Variants in APBA3 observed in about 807,000 individuals in gnomAD.
APBA3 encodes amyloid-beta A4 precursor protein-binding family A member 3.
A neutral mutation model predicts 55.9 loss-of-function variants in APBA3; 45 were observed. The ratio of observed to expected loss-of-function variants is 0.80; its 90% CI spans 0.63 to 1.03. The LOEUF is 1.03. APBA3 is among the 50% of genes least tolerant of loss of function. APBA3 has a pLI of 0.00. For missense variants in APBA3, 865 were observed against 820.3 expected (o/e 1.05, Z -0.67); for synonymous variants, 370 against 353.3 (o/e 1.05, Z -0.53).
In APBA3 at chr19:3,753,879, G is replaced by A. The variant is rs1239167078; in HGVS notation, c.897C>T (p.Asp299=). 12 of 1,561,694 alleles carry A rather than the reference G, an allele frequency of 7.7e-6. No individual in the cohort carries two copies. The highest frequency in any genetic ancestry group is 8.7e-6 in the Non-Finnish European group (10 of 1,153,186). The change falls in exon 6 of 11, where the codon GAC becomes GAT. Residue 299 remains aspartate, a synonymous_variant. Transcript: ENST00000316757. ...HALHTISYTA[D]IGCVLVLMAR... ...CCATCAGCACCAGCACGCAGCCGATGTCGGCTGTGTAGGAGATGGTATGCA... is the reference window on the plus strand; with the variant it reads ...CCATCAGCACCAGCACGCAGCCGATATCGGCTGTGTAGGAGATGGTATGCA...
chr19:3,757,133 G>A (rs1487379369), intron 3 of APBA3, among the ~76,000 whole-genome samples: 2 of 145,206 alleles, frequency 1.4e-5, no homozygotes, highest in East Asian at 4.1e-4. Flanking sequence ...TCTTTTTTTT[G>A]AGACATGGTC....
Position 3,751,338 on chromosome 19 carries a change from GAA to G in APBA3, c.1516-11_1516-10del. On this transcript the variant is annotated splice_polypyrimidine_tract_variant and intron_variant, in intron 9 of 10. Coordinates refer to ENST00000316757, the MANE Select transcript of APBA3 (RefSeq NM_004886.4). Reference sequence around the variant, plus strand: ...CGGAGGAGGCTGCAGATCTGGGGGAGAAAAGAGGGGGACGGGAAAGAGGTGGG... The same window carrying G: ...CGGAGGAGGCTGCAGATCTGGGGGAGAAGAGGGGGACGGGAAAGAGGTGGG... 6.5e-7 allele frequency: 1 copy of G among 1,528,210 alleles called. No individual in the cohort carries two copies. Among genetic ancestry groups the G allele is most frequent in the East Asian group, 2.4e-5 (1 of 40,914 alleles). 94.7% of individuals were successfully genotyped at this position (1,528,210 alleles called of 1,614,324 possible).
chr19:3,752,413 G>T, intron 8 of APBA3, 95 bp downstream of exon 8: 1 of 1,188,546 alleles, frequency 8.4e-7, no homozygotes. Flanking sequence ...GTCCCTCCTG[G>T]CTGGGCTGGA....
chr19:3,759,742 A>G lies in APBA3; in HGVS notation c.523T>C (p.Trp175Arg). The part of the protein sequence containing the change: ...SRSSSSSPEP[W>R]LETVPLVTPE... Reference sequence around the variant, plus strand: ...GTGACTAGAGGCACCGTCTCCAGCCAGGGTTCCGGGGAACTGCTTGAGCTC... The same window carrying G: ...GTGACTAGAGGCACCGTCTCCAGCCGGGGTTCCGGGGAACTGCTTGAGCTC... The change falls in exon 2 of 11, where the codon TGG (tryptophan) becomes CGG (arginine). Residue 175 changes from tryptophan (W) to arginine (R), a missense_variant. Coordinates refer to ENST00000316757, the MANE Select transcript of APBA3 (RefSeq NM_004886.4). 7.4e-6 allele frequency: 12 copies of G among 1,612,704 alleles called. No homozygotes were observed. The highest frequency in any genetic ancestry group is 1.0e-5 in the Non-Finnish European group (12 of 1,179,850).
Position 3,761,669 on chromosome 19 carries a change from A to C in APBA3, c.-171T>G, listed in dbSNP as rs1024284891. On this transcript the variant is annotated 5_prime_UTR_variant, in exon 1 of 11. Transcript: ENST00000316757. ...TCCCGGTCCCGGCGCCCGCTCCTCTATCCGCGCAGAGCCCTGGCCCATTGA... is the reference window on the plus strand; with the variant it reads ...TCCCGGTCCCGGCGCCCGCTCCTCTCTCCGCGCAGAGCCCTGGCCCATTGA... 1.3e-5 allele frequency: 2 copies of C among 152,270 alleles called. No individual in the cohort carries two copies. The allele number at this position is 152,270 out of a possible 1,614,324, so 9.4% of individuals were successfully genotyped here.
At chr19:3,752,263 G>A (rs2037016254) in intron 8 of APBA3, among the ~76,000 whole-genome samples, 1 of 151,972 alleles carries the variant, frequency 6.6e-6, no homozygotes, top group Admixed American at 6.6e-5. Flanking sequence ...AGAGAGAGTG[G>A]CCCAGCCCTG....
In APBA3 at chr19:3,753,785, G is replaced by A; in HGVS notation, c.991C>T (p.His331Tyr). The change falls in exon 6 of 11, where the codon CAC (histidine) becomes TAC (tyrosine). Residue 331 changes from histidine to tyrosine, a missense_variant. Coordinates refer to ENST00000316757, the MANE Select transcript of APBA3 (RefSeq NM_004886.4). The part of the protein sequence containing the change: ...HGRRLYKMLC[H>Y]VFYAEDAQLI... Reference sequence around the variant, plus strand: ...CTCACGTCCTCCGCGTAGAATACGTGGCAGAGCATCTTGTAGAGGCGGCGG... The same window carrying A: ...CTCACGTCCTCCGCGTAGAATACGTAGCAGAGCATCTTGTAGAGGCGGCGG... 6.4e-7 allele frequency: 1 copy of A among 1,563,804 alleles called. No homozygotes were observed. Among genetic ancestry groups the A allele is most frequent in the Non-Finnish European group, 8.6e-7 (1 of 1,156,474 alleles).
intron 8 of APBA3, 40 bp from the exon 9 acceptor site, chr19:3,751,593 C>G: frequency 1.9e-6 from 3 of 1,553,452 alleles, no homozygotes; most frequent in East Asian, 2.4e-5. Context: ...AGCTGCCGGA[C>G]AGCCTGGCAG....
rs747028214 is a variant in APBA3, at chr19:3,759,890, C to A, written c.375G>T (p.Gln125His). The A allele has an allele frequency of 8.1e-6, 13 of 1,611,990 alleles. No individual in the cohort carries two copies. The East Asian group carries it at 2.5e-4, about 30-fold the overall frequency. The change falls in exon 2 of 11, where the codon CAG becomes CAT. Residue 125 changes from glutamine (Q) to histidine (H), a missense_variant. Gln to His is a conservative substitution (Grantham distance 24). Transcript: ENST00000316757. Reference protein sequence around the residue: ...LLHCEECPPSQTGPEEPLEPA... With the variant: ...LLHCEECPPSHTGPEEPLEPA... ...GCTCTAGAGGCTCTTCAGGACCAGT[C>A]TGGGAAGGCGGGCATTCCTCGCAGT...
In APBA3 at chr19:3,754,347, G is replaced by A; in HGVS notation, c.617-7C>T. 1 of 1,556,490 alleles carries A rather than the reference G, an allele frequency of 6.4e-7. No homozygotes were observed. The highest frequency in any genetic ancestry group is 8.7e-7 in the Non-Finnish European group (1 of 1,153,642). The stretch of plus-strand genomic sequence containing the variant: ...TGGTCACAGGGACCAGGCACTGAGG[G>A]CGACAGCGAAGAGGGTCGGCCCCCA... On this transcript the variant is annotated splice_polypyrimidine_tract_variant and splice_region_variant and intron_variant, in intron 3 of 10. Transcript: ENST00000316757.
At chr19:3,760,436 C>A (rs776264416) in intron 1 of APBA3, 135 bp from the exon 2 acceptor site, 2 of 595,882 alleles carry the variant, frequency 3.4e-6, no homozygotes, top group East Asian at 3.0e-5. Flanking sequence ...CAGAGCAAGA[C>A]CCTCTCTCTA....
At position 3,759,744 on chromosome 19, in the gene APBA3, G is replaced by T; in HGVS notation, c.521C>A (p.Pro174His). Residue 174 changes from proline (P) to histidine (H), a missense_variant, in exon 2 of 11, where the codon CCC (proline) becomes CAC (histidine). Transcript: ENST00000316757. ...GSRSSSSSPE[P>H]WLETVPLVTP... The stretch of plus-strand genomic sequence containing the variant: ...GACTAGAGGCACCGTCTCCAGCCAG[G>T]GTTCCGGGGAACTGCTTGAGCTCCT... 1 of 1,612,642 alleles carries T rather than the reference G, an allele frequency of 6.2e-7. No individual in the cohort carries two copies.
At chr19:3,757,461 C>T (rs115735230) in intron 3 of APBA3, among the ~76,000 whole-genome samples, 2,695 of 151,900 alleles carry the variant, frequency 0.018, 87 homozygotes, top group African/African-American at 0.062. Flanking sequence ...AGGCTGGCCG[C>T]GGTGGCTCAC....
At chr19:3,758,569 T>C (rs548013212) in intron 3 of APBA3, among the ~76,000 whole-genome samples, 9 of 152,278 alleles carry the variant, frequency 5.9e-5, no homozygotes, top group African/African-American at 2.2e-4. Context: ...TAGCATATCA[T>C]TTTCACATGT....
intron 1 of APBA3, 38 bp from the exon 2 acceptor site, chr19:3,760,339 G>T: frequency 7.3e-7 from 1 of 1,361,504 alleles, no homozygotes; most frequent in Non-Finnish European, 9.9e-7. Context: ...TTTCGCCCGG[G>T]TGCAGTGGCT....
chr19:3,752,314 G>A (rs1313199964), intron 8 of APBA3, among the ~76,000 whole-genome samples, 194 bp downstream of exon 8: 1 of 152,044 alleles, frequency 6.6e-6, no homozygotes, highest in East Asian at 1.9e-4. Context: ...TCTGGTACTA[G>A]GGAGGTGCCC....
At chr19:3,757,930 T>C (rs2037097446) in intron 3 of APBA3, among the ~76,000 whole-genome samples, 1 of 152,200 alleles carries the variant, frequency 6.6e-6, no homozygotes, top group African/African-American at 2.4e-5. Context: ...TTATGTACAC[T>C]GAAATTTGTT....
chr19:3,756,774 A>C (rs1418763489), intron 3 of APBA3: 1 of 152,188 alleles, frequency 6.6e-6, no homozygotes, highest in East Asian at 1.9e-4. Flanking sequence ...TTTAACGTGG[A>C]TAACTACAAA....
chr19:3,753,350 G>C (rs1268238698), intron 6 of APBA3: 2 of 405,932 alleles, frequency 4.9e-6, no homozygotes, highest in Non-Finnish European at 8.9e-6. Context: ...GAGTCTTGGA[G>C]TCTTATAGGA....
Sources: allele counts gnomAD v4.1 joint callset (sites outside exome capture counted in the v4.1 genomes callset), GRCh38; gene constraint gnomAD v4.1.1; transcripts MANE v1.5; gene names NCBI Gene and HGNC (gene_info 2026-07-23, HGNC 2026-07-21).